AHI1: variants seen among roughly 807,000 people sequenced by gnomAD.
The protein encoded by AHI1 is jouberin.
In AHI1, 123 loss-of-function variants were observed where a neutral mutation model predicts 149.3. The ratio of observed to expected loss-of-function variants is 0.82; its 90% CI spans 0.71 to 0.96. The LOEUF is 0.96. AHI1 is among the 40% of genes least tolerant of loss of function. The pLI, the probability that AHI1 is intolerant of heterozygous loss-of-function variation, is 0.00. For missense variants in AHI1, 1,439 were observed against 1,422.7 expected (o/e 1.01, Z -0.18); for synonymous variants, 475 against 459.8 (o/e 1.03, Z -0.42).
intron 24 of AHI1, 116 bp downstream of exon 24, chr6:135,358,016 G>T (rs1051782781): frequency 6.3e-6 from 5 of 791,696 alleles, no homozygotes; most frequent in African/African-American, 5.3e-5. Context: ...ATCTTGCAGG[G>T]ATATAACTTT....
In AHI1 at chr6:135,346,810, T is replaced by C. The variant is rs183891966; in HGVS notation, c.3165+11322A>G. 2.1e-3 allele frequency among the ~76,000 whole-genome samples: 318 copies of C among 152,306 alleles called. 12 individuals carry two copies. The highest frequency in any genetic ancestry group is 0.019 in the Admixed American group (296 of 15,304). On this transcript the variant is annotated intron_variant, in intron 24 of 28. Coordinates refer to ENST00000265602, the MANE Select transcript of AHI1 (RefSeq NM_001134831.2). ...CATGTGGGTAGCCTAGTTTGAAGTA[T>C]AGCAGGTGTTTGTAATTTCCTTTCT...
intron 19 of AHI1, among the ~76,000 whole-genome samples, chr6:135,427,988 CAG>C (rs1465427132): frequency 2.0e-5 from 3 of 150,056 alleles, no homozygotes; most frequent in Non-Finnish European, 4.5e-5. Flanking sequence ...AAATGCCTAA[CAG>C]AAAGAATAAA....
At chr6:135,353,544 T>C (rs972457747) in intron 24 of AHI1, among the ~76,000 whole-genome samples, 7 of 152,156 alleles carry the variant, frequency 4.6e-5, no homozygotes, top group Non-Finnish European at 8.8e-5. Flanking sequence ...TTTACATGAA[T>C]ATATGTATAA....
At chr6:135,385,689 A>G (rs1406084128) in intron 23 of AHI1, among the ~76,000 whole-genome samples, 1 of 152,192 alleles carries the variant, frequency 6.6e-6, no homozygotes, top group Admixed American at 6.5e-5. Flanking sequence ...ATGGGGGAAA[A>G]CCTGACTGAA....
chr6:135,342,044 A>G (rs1034109968), intron 24 of AHI1, among the ~76,000 whole-genome samples: 4 of 151,908 alleles, frequency 2.6e-5, no homozygotes, highest in Non-Finnish European at 4.4e-5. Flanking sequence ...CAGAGCTTCA[A>G]ATAGACTGGC....
At chr6:135,442,065 A>G (rs988577561) in intron 14 of AHI1, among the ~76,000 whole-genome samples, 2 of 152,180 alleles carry the variant, frequency 1.3e-5, no homozygotes, top group African/African-American at 4.8e-5. Flanking sequence ...AGTCTAGAAC[A>G]GTATGATAAT....
intron 23 of AHI1, among the ~76,000 whole-genome samples, chr6:135,366,196 T>G (rs1294828340): frequency 6.6e-6 from 1 of 152,202 alleles, no homozygotes; most frequent in Non-Finnish European, 1.5e-5. Context: ...AGTATTTTGT[T>G]GAGGATTTTT....
At chr6:135,289,224 G>A (rs935136674) in intron 28 of AHI1, among the ~76,000 whole-genome samples, 4 of 151,910 alleles carry the variant, frequency 2.6e-5, no homozygotes, top group East Asian at 1.9e-4. Context: ...GGCCAGGTGC[G>A]GTGGCTCACG....
At chr6:135,326,415 T>C (rs1449758353) in intron 24 of AHI1, among the ~76,000 whole-genome samples, 1 of 152,052 alleles carries the variant, frequency 6.6e-6, no homozygotes, top group Non-Finnish European at 1.5e-5. Flanking sequence ...AGAAAATAAA[T>C]TTCTTCTTCT....
rs567183382 is a variant in AHI1, at chr6:135,457,653, C to A, written c.992G>T (p.Ser331Ile). ...AAGCAAACATTTGGGATAAACCGGG[C>A]TATCTCGGCTTGTTATTTCATGAAC... ...DGVHEITSRD[S>I]PVYPKCLLDD... The change falls in exon 9 of 29, where the codon AGC (serine) becomes ATC (isoleucine). Residue 331 changes from serine to isoleucine, a missense_variant. Physicochemically the swap from Ser to Ile is moderately radical, Grantham distance 142. Coordinates refer to ENST00000265602, the MANE Select transcript of AHI1 (RefSeq NM_001134831.2). The A allele has an allele frequency of 2.5e-6, 4 of 1,613,908 alleles. No individual in the cohort carries two copies. Among genetic ancestry groups the A allele is most frequent in the Non-Finnish European group, 3.4e-6 (4 of 1,179,864 alleles).
chr6:135,376,921 A>AAAAAAG lies in AHI1; in HGVS notation c.3109+17854_3109+17855insCTTTTT, dbSNP rs1776025303. ...AAAAAAAAAAAAAAAAAAAAAAAAAAGTTGGTCCAGTTTGACTCAAAAGTC... is the reference window on the plus strand; with the variant it reads ...AAAAAAAAAAAAAAAAAAAAAAAAAAAAAAAGGTTGGTCCAGTTTGACTCAAAAGTC... On this transcript the variant is annotated intron_variant, in intron 23 of 28. Coordinates refer to ENST00000265602, the MANE Select transcript of AHI1 (RefSeq NM_001134831.2). Among the ~76,000 whole-genome samples, 16 of 128,688 alleles carry AAAAAAG rather than the reference A, an allele frequency of 1.2e-4. 1 individual carries two copies. Among genetic ancestry groups the AAAAAAG allele is most frequent in the African/African-American group, 4.6e-4 (16 of 35,018 alleles). The allele number at this position is 128,688 out of a possible 152,430, so 84.4% of individuals were successfully genotyped here.
intron 5 of AHI1, among the ~76,000 whole-genome samples, chr6:135,484,203 A>G (rs145177777): frequency 1.6e-3 from 248 of 152,246 alleles, no homozygotes; most frequent in Middle Eastern, 6.8e-3. Context: ...CCATGATTCA[A>G]TTACCTCCCA....
chr6:135,340,744 G>T (rs1227677957), intron 24 of AHI1, among the ~76,000 whole-genome samples: 2 of 137,758 alleles, frequency 1.5e-5, no homozygotes, highest in African/African-American at 5.3e-5. Flanking sequence ...AAAAAACTTT[G>T]TAAAGAAATA....
At position 135,415,664 on chromosome 6, in the gene AHI1, CAA is replaced by C. The variant is rs1476753484; in HGVS notation, c.2765-4122_2765-4121del. Among the ~76,000 whole-genome samples the C allele has an allele frequency of 3.3e-5, 5 of 152,240 alleles. No individual in the cohort carries two copies. The East Asian group carries it at 9.6e-4, about 29-fold the overall frequency. On this transcript the variant is annotated intron_variant, in intron 20 of 28. Transcript: ENST00000265602. ...AGCCCTTCTGCTCCTAGAAATTTGTCAAAGAGAAATGAAGCATATGTCCATAC... is the reference window on the plus strand; with the variant it reads ...AGCCCTTCTGCTCCTAGAAATTTGTCAGAGAAATGAAGCATATGTCCATAC...
intron 21 of AHI1, among the ~76,000 whole-genome samples, chr6:135,405,859 C>CAAAAAAAAAAAAA (rs543403253): frequency 3.4e-5 from 1 of 29,406 alleles, no homozygotes; most frequent in Non-Finnish European, 7.4e-5. Context: ...GACTCCAACT[C>CAAAAAAAAAAAAA]AAAAAAAAAA....
intron 5 of AHI1, among the ~76,000 whole-genome samples, chr6:135,479,926 C>CT (rs962330913): frequency 6.6e-6 from 1 of 152,138 alleles, no homozygotes; most frequent in African/African-American, 2.4e-5. Flanking sequence ...TGTAGCACTT[C>CT]TCCCTTTGCT....
At chr6:135,377,441 A>G (rs568801662) in intron 23 of AHI1, among the ~76,000 whole-genome samples, 2 of 151,932 alleles carry the variant, frequency 1.3e-5, no homozygotes, top group Admixed American at 6.5e-5. Flanking sequence ...ATTCCACATA[A>G]GCAGAGTAAT....
chr6:135,386,187 A>C (rs1375982958), intron 23 of AHI1, among the ~76,000 whole-genome samples: 1 of 152,180 alleles, frequency 6.6e-6, no homozygotes, highest in Non-Finnish European at 1.5e-5. Context: ...TCCTAATCTG[A>C]AGTTCATTCC....
At chr6:135,354,885 G>A (rs1792720089) in intron 24 of AHI1, among the ~76,000 whole-genome samples, 2 of 152,082 alleles carry the variant, frequency 1.3e-5, no homozygotes, top group Non-Finnish European at 2.9e-5. Context: ...AGGACATTAG[G>A]TATAAAGAAA....
Sources: gnomAD v4.1 joint callset for allele counts (sites outside exome capture counted in the v4.1 genomes callset) on GRCh38, gnomAD v4.1.1 for gene constraint, MANE v1.5 for transcripts, NCBI Gene and HGNC (gene_info 2026-07-23, HGNC 2026-07-21) for gene names.